The following HYDIN variants were observed in gnomAD, a reference collection of about 807,000 sequenced individuals.
HYDIN encodes the protein axonemal central pair apparatus protein HYDIN.
In HYDIN, 132 loss-of-function variants were observed where a neutral mutation model predicts 403.9. The observed-to-expected ratio is 0.33, with a 90% confidence interval of 0.28 to 0.38. HYDIN has a LOEUF of 0.38. Among genes scored for constraint, HYDIN ranks in the 10% least tolerant of loss-of-function variants. The probability of loss-of-function intolerance (pLI) is 1.00; values close to 1 mark genes in which losing one functional copy is unlikely to be tolerated. For synonymous variants in HYDIN, 1,202 were observed against 1,891.7 expected (o/e 0.64, Z 9.46); for missense variants, 2,827 against 5,009.5 (o/e 0.56, Z 13.15).
intron 1 of HYDIN, 23 bp downstream of exon 1, chr16:71,230,539 C>T: frequency 6.6e-7 from 1 of 1,522,158 alleles, no homozygotes; most frequent in Non-Finnish European, 8.8e-7. Context: ...TTTGACCCCA[C>T]AATCTCTGCG....
chr16:71,005,146 GA>G (rs1303987093), intron 23 of HYDIN, among the ~76,000 whole-genome samples: 1 of 152,182 alleles, frequency 6.6e-6, no homozygotes, highest in Non-Finnish European at 1.5e-5. Context: ...GGGACCAGAA[GA>G]TTTTTTTTAG....
chr16:70,879,539 A>G, intron 61 of HYDIN, 53 bp from the exon 62 acceptor site: 2 of 1,607,046 alleles, frequency 1.2e-6, no homozygotes, highest in Non-Finnish European at 1.7e-6. Flanking sequence ...TGGGAATGAC[A>G]CTCCCTACAG....
At chr16:71,005,119 T>C (rs543361010) in intron 23 of HYDIN, among the ~76,000 whole-genome samples, 32 of 152,382 alleles carry the variant, frequency 2.1e-4, no homozygotes, top group Non-Finnish European at 2.5e-4. Flanking sequence ...TACAGTAATT[T>C]TTCATAACTG....
At chr16:70,820,464 C>T (rs1217236339) in intron 83 of HYDIN, among the ~76,000 whole-genome samples, 1 of 151,678 alleles carries the variant, frequency 6.6e-6, no homozygotes, top group Non-Finnish European at 1.5e-5. Flanking sequence ...CAGGTGTGAG[C>T]CACCGTGCCG....
intron 66 of HYDIN, 121 bp downstream of exon 66, chr16:70,868,449 G>A (rs1384707993): frequency 1.4e-6 from 2 of 1,423,370 alleles, no homozygotes; most frequent in Non-Finnish European, 1.9e-6. Context: ...TGGAGTCAAG[G>A]TCAAGTAGAA....
chr16:71,010,184 G>A (rs1465704095), intron 23 of HYDIN, among the ~76,000 whole-genome samples: 10 of 149,582 alleles, frequency 6.7e-5, no homozygotes, highest in Admixed American at 2.7e-4. Flanking sequence ...TGACCTTTTT[G>A]CCCCCTCCTC....
At chr16:71,193,416 A>G (rs1397313154) in intron 1 of HYDIN, among the ~76,000 whole-genome samples, 1 of 152,250 alleles carries the variant, frequency 6.6e-6, no homozygotes, top group Non-Finnish European at 1.5e-5. Context: ...ATTAAAAAGA[A>G]AAGTTAGACA....
At chr16:71,011,268 C>G (rs188436656) in intron 23 of HYDIN, among the ~76,000 whole-genome samples, 93 of 152,256 alleles carry the variant, frequency 6.1e-4, no homozygotes, top group Non-Finnish European at 9.6e-4. Context: ...CACAGCAACT[C>G]TTTTAGACTA....
chr16:70,813,582 T>TTAAAA, intron 84 of HYDIN, among the ~76,000 whole-genome samples: 1 of 152,130 alleles, frequency 6.6e-6, no homozygotes, highest in Non-Finnish European at 1.5e-5. Flanking sequence ...AGTAAATGTC[T>TTAAAA]GTTGTTTTAA....
chr16:71,065,614 G>A (rs1423558125), intron 15 of HYDIN, among the ~76,000 whole-genome samples: 2 of 152,190 alleles, frequency 1.3e-5, no homozygotes, highest in Non-Finnish European at 2.9e-5. Flanking sequence ...ACCTTACTAA[G>A]TACAACCTGT....
At chr16:71,009,218 T>C (rs1002668961) in intron 23 of HYDIN, among the ~76,000 whole-genome samples, 1 of 129,296 alleles carries the variant, frequency 7.7e-6, no homozygotes, top group Non-Finnish European at 1.6e-5. Flanking sequence ...ACCATGTGCA[T>C]ATAGGACCCG....
In HYDIN at chr16:70,991,251, A is replaced by G. The variant is rs1035342582; in HGVS notation, c.3864+67T>C. On this transcript the variant is annotated intron_variant, in intron 25 of 85. Coordinates refer to ENST00000393567, the MANE Select transcript of HYDIN (RefSeq NM_001270974.2). ...CATTGTACTGGCCACTCTGCTCCTGATTCTGCCTTTGTTTTATGGGAAGGA... is the reference window on the plus strand; with the variant it reads ...CATTGTACTGGCCACTCTGCTCCTGGTTCTGCCTTTGTTTTATGGGAAGGA... 9.4e-6 allele frequency: 15 copies of G among 1,603,596 alleles called. No homozygotes were observed. The Middle Eastern group carries it at 5.0e-4, about 53-fold the overall frequency.
chr16:71,214,183 T>C (rs1401503808), intron 1 of HYDIN, among the ~76,000 whole-genome samples: 1 of 152,050 alleles, frequency 6.6e-6, no homozygotes, highest in African/African-American at 2.4e-5. Context: ...AAAGTTCAAA[T>C]TCCTAGGGCT....
At chr16:71,082,438 A>T (rs560418108) in intron 12 of HYDIN, among the ~76,000 whole-genome samples, 28 of 151,922 alleles carry the variant, frequency 1.8e-4, no homozygotes, top group Admixed American at 1.6e-3. Flanking sequence ...TATTTCTCTT[A>T]GCAATTGATC....
chr16:71,223,812 A>G (rs2040911303), intron 1 of HYDIN, among the ~76,000 whole-genome samples: 1 of 152,204 alleles, frequency 6.6e-6, no homozygotes, highest in South Asian at 2.1e-4. Context: ...CCATAATTAA[A>G]AAGTCAAAAA....
chr16:70,854,575 T>C (rs1409192775), intron 73 of HYDIN, among the ~76,000 whole-genome samples: 1 of 148,820 alleles, frequency 6.7e-6, no homozygotes, highest in Admixed American at 6.7e-5. Flanking sequence ...CCAACACGCC[T>C]GGCTAATTTT....
chr16:70,967,395 C>T (rs1192622558), intron 36 of HYDIN, among the ~76,000 whole-genome samples: 1 of 151,986 alleles, frequency 6.6e-6, no homozygotes, highest in Non-Finnish European at 1.5e-5. Flanking sequence ...ACTGCAGCCT[C>T]GACCTCCCAG....
intron 19 of HYDIN, among the ~76,000 whole-genome samples, chr16:71,028,560 T>C (rs1597587426): frequency 6.6e-6 from 1 of 152,228 alleles, no homozygotes; most frequent in East Asian, 1.9e-4. Context: ...TTTTTGTTTG[T>C]TTGGGATTTT....
intron 30 of HYDIN, among the ~76,000 whole-genome samples, chr16:70,976,357 A>G (rs2078887867): frequency 6.6e-6 from 1 of 151,548 alleles, no homozygotes; most frequent in African/African-American, 2.4e-5. Flanking sequence ...TTTCTCTTCT[A>G]CCTTTGTGGA....
Sources: gnomAD v4.1 joint callset for allele counts (sites outside exome capture counted in the v4.1 genomes callset) on GRCh38, gnomAD v4.1.1 for gene constraint, MANE v1.5 for transcripts, NCBI Gene and HGNC (gene_info 2026-07-23, HGNC 2026-07-21) for gene names.